MAGI2: variants seen among roughly 807,000 people sequenced by gnomAD.
The protein encoded by MAGI2 is membrane associated guanylate kinase, WW and PDZ domain containing 2, also known as membrane-associated guanylate kinase, WW and PDZ domain-containing protein 2.
A neutral mutation model predicts 133.3 loss-of-function variants in MAGI2; 35 were observed. The observed-to-expected ratio is 0.26, with a 90% CI of 0.20 to 0.35. The LOEUF is 0.35. Among genes scored for constraint, MAGI2 ranks in the 10% least tolerant of loss-of-function variants. The probability of loss-of-function intolerance (pLI) is 1.00; values close to 1 mark genes in which losing one functional copy is unlikely to be tolerated. For missense variants in MAGI2, 1,636 were observed against 1,863.4 expected, an observed-to-expected ratio of 0.88 and a Z score of 2.25; for synonymous variants, 729 against 710.6, an observed-to-expected ratio of 1.03 and a Z score of -0.41.
At chr7:78,159,347 C>A (rs12536151) in intron 16 of MAGI2, among the ~76,000 whole-genome samples, 10 of 152,094 alleles carry the variant, frequency 6.6e-5, no homozygotes, top group Non-Finnish European at 1.3e-4. Context: ...TCCCCCACCC[C>A]CAACCCTTTG....
At chr7:79,310,181 AAAAAAAAAAAAAAAGAG>A (rs1563102173) in intron 1 of MAGI2, among the ~76,000 whole-genome samples, 1 of 138,156 alleles carries the variant, frequency 7.2e-6, no homozygotes, top group Non-Finnish European at 1.5e-5. Flanking sequence ...AAAAAAAAAA[AAAAAAAAAAAAAAAGAG>A]AGAGAGAGAG....
intron 2 of MAGI2, among the ~76,000 whole-genome samples, chr7:78,822,370 C>T (rs191789155): frequency 3.3e-5 from 5 of 152,122 alleles, no homozygotes; most frequent in African/African-American, 1.2e-4. Context: ...TTTGGTTGTA[C>T]TATGGAGAGA....
At chr7:78,446,506 T>A (rs912508084) in intron 6 of MAGI2, among the ~76,000 whole-genome samples, 7 of 151,982 alleles carry the variant, frequency 4.6e-5, no homozygotes, top group Non-Finnish European at 1.0e-4. Context: ...TAGTTATGAG[T>A]TATCTCAACA....
intron 9 of MAGI2, among the ~76,000 whole-genome samples, chr7:78,333,270 T>C (rs1789416077): frequency 6.6e-6 from 1 of 152,226 alleles, no homozygotes; most frequent in Non-Finnish European, 1.5e-5. Flanking sequence ...ATCAATGCTC[T>C]GTACCAGAAA....
intron 1 of MAGI2, among the ~76,000 whole-genome samples, chr7:79,221,206 T>C (rs1328928305): frequency 6.6e-6 from 1 of 152,096 alleles, no homozygotes; most frequent in Non-Finnish European, 1.5e-5. Flanking sequence ...TGACTTCTTA[T>C]AAAGCAGCAC....
chr7:78,088,461 G>A (rs150819305), intron 20 of MAGI2, among the ~76,000 whole-genome samples: 2 of 152,178 alleles, frequency 1.3e-5, no homozygotes, highest in Non-Finnish European at 2.9e-5. Context: ...GGGGACATTG[G>A]TTAGCTGGGA....
At chr7:78,037,769 C>T (rs2428931) in intron 21 of MAGI2, among the ~76,000 whole-genome samples, 59,883 of 152,044 alleles carry the variant, frequency 0.39, 12,080 homozygotes, top group Non-Finnish European at 0.41. Context: ...CAGTGCAGCA[C>T]CCCAGGGAGG....
intron 2 of MAGI2, among the ~76,000 whole-genome samples, chr7:78,768,763 AT>A (rs1049481830): frequency 6.6e-6 from 1 of 152,022 alleles, no homozygotes; most frequent in Non-Finnish European, 1.5e-5. Flanking sequence ...AAGAATTATT[AT>A]TTTTTTCTGC....
chr7:78,178,011 A>G lies in MAGI2; in HGVS notation c.2403T>C (p.Pro801=), dbSNP rs139314697. 4.4e-6 allele frequency: 7 copies of G among 1,606,790 alleles called. No individual in the cohort carries two copies. In the African/African-American group the frequency reaches 9.4e-5, roughly 22 times the overall value. ...TGGAAATAAAGAAGATTCAACTTACAGGCTGTCCAGGCTCATCTCCCCCGA... is the reference window on the plus strand; with the variant it reads ...TGGAAATAAAGAAGATTCAACTTACGGGCTGTCCAGGCTCATCTCCCCCGA... The part of the protein sequence containing the change: ...RILGGDEPGQ[P]ILIGAVIAMG... The change falls in exon 14 of 22, where the codon CCT becomes CCC. Residue 801 remains proline, a splice_region_variant and synonymous_variant. Coordinates refer to ENST00000354212, the MANE Select transcript of MAGI2 (RefSeq NM_012301.4).
At chr7:78,684,937 A>T (rs1162884265) in intron 2 of MAGI2, among the ~76,000 whole-genome samples, 1 of 152,206 alleles carries the variant, frequency 6.6e-6, no homozygotes, top group Non-Finnish European at 1.5e-5. Flanking sequence ...ATAATATTGT[A>T]TTTTTAACAT....
At chr7:79,197,129 A>G (rs117869121) in intron 1 of MAGI2, among the ~76,000 whole-genome samples, 3,009 of 151,504 alleles carry the variant, frequency 0.02, 49 homozygotes, top group East Asian at 0.04. Context: ...TGATGGATTC[A>G]TTTCCTTCTT....
At chr7:78,340,610 A>T (rs1339459455) in intron 9 of MAGI2, among the ~76,000 whole-genome samples, 3 of 152,136 alleles carry the variant, frequency 2.0e-5, no homozygotes, top group Non-Finnish European at 4.4e-5. Flanking sequence ...TTTCCATCAC[A>T]ATCAAGTCAG....
At chr7:79,452,944 C>G (rs1352475879) in intron 1 of MAGI2, 76 bp downstream of exon 1, 22 of 1,450,490 alleles carry the variant, frequency 1.5e-5, no homozygotes, top group Non-Finnish European at 1.9e-5. Flanking sequence ...TCAACATGCG[C>G]GGCCACCCTT....
At chr7:78,449,863 T>A (rs982222977) in intron 6 of MAGI2, among the ~76,000 whole-genome samples, 2 of 152,106 alleles carry the variant, frequency 1.3e-5, no homozygotes, top group African/African-American at 4.8e-5. Flanking sequence ...ACTTTCTCAC[T>A]GTGATCTTAT....
At chr7:78,622,221 G>A (rs1009261280) in intron 3 of MAGI2, among the ~76,000 whole-genome samples, 13 of 152,086 alleles carry the variant, frequency 8.5e-5, no homozygotes, top group African/African-American at 3.1e-4. Flanking sequence ...CCCCCTTTCA[G>A]TCTTATGGAT....
At chr7:78,967,683 A>C (rs1445984109) in intron 2 of MAGI2, among the ~76,000 whole-genome samples, 1 of 152,014 alleles carries the variant, frequency 6.6e-6, no homozygotes, top group Admixed American at 6.6e-5. Context: ...CCAGTTTTCC[A>C]AAATGACTTG....
intron 2 of MAGI2, among the ~76,000 whole-genome samples, chr7:78,945,945 A>G (rs765676496): frequency 6.6e-6 from 1 of 152,156 alleles, no homozygotes; most frequent in Non-Finnish European, 1.5e-5. Flanking sequence ...CATTCCCAGC[A>G]TTTATAATGT....
At chr7:79,127,161 T>C (rs28533639) in intron 1 of MAGI2, among the ~76,000 whole-genome samples, 3,326 of 152,266 alleles carry the variant, frequency 0.022, 143 homozygotes, top group African/African-American at 0.076. Context: ...TAGTATTCCA[T>C]GGTGTATATG....
At chr7:79,184,332 G>A (rs892608976) in intron 1 of MAGI2, among the ~76,000 whole-genome samples, 10 of 151,042 alleles carry the variant, frequency 6.6e-5, no homozygotes, top group African/African-American at 2.4e-5. Context: ...ACAGGTGATA[G>A]GTGCACCAAT....
Sources: allele counts gnomAD v4.1 joint callset (sites outside exome capture counted in the v4.1 genomes callset), GRCh38; gene constraint gnomAD v4.1.1; transcripts MANE v1.5; gene names NCBI Gene and HGNC (gene_info 2026-07-23, HGNC 2026-07-21).